The following ZNF423 variants were observed in gnomAD, a reference collection of about 807,000 sequenced individuals.
ZNF423 encodes zinc finger protein 423.
A neutral mutation model predicts 95.8 loss-of-function variants in ZNF423; 12 were observed. The observed-to-expected ratio is 0.13, with a 90% CI of 0.08 to 0.20. The LOEUF is 0.20. Among genes scored for constraint, ZNF423 ranks in the 10% least tolerant of loss-of-function variants. ZNF423 has a pLI of 1.00. For synonymous variants in ZNF423, 749 were observed against 711.9 expected (o/e 1.05, Z -0.83); for missense variants, 1,316 against 1,737.1 (o/e 0.76, Z 4.31).
intron 1 of ZNF423, chr16:49,854,814 G>A (rs1342284791): frequency 1.0e-6 from 1 of 985,268 alleles, no homozygotes; most frequent in Non-Finnish European, 1.2e-6. Flanking sequence ...AGCAAAGCGT[G>A]GAGACGAAGG....
intron 3 of ZNF423, among the ~76,000 whole-genome samples, chr16:49,642,622 T>C (rs973466818): frequency 3.9e-5 from 6 of 152,112 alleles, no homozygotes; most frequent in Admixed American, 1.3e-4. Context: ...GATTGCCCTG[T>C]TTAAAGTCTT....
chr16:49,616,168 G>T (rs905826909), intron 5 of ZNF423, among the ~76,000 whole-genome samples: 8 of 152,110 alleles, frequency 5.3e-5, no homozygotes, highest in African/African-American at 1.9e-4. Context: ...ATTCAAGAAA[G>T]AAAAATAACT....
At chr16:49,811,943 C>T (rs2034760423) in intron 1 of ZNF423, among the ~76,000 whole-genome samples, 1 of 152,220 alleles carries the variant, frequency 6.6e-6, no homozygotes, top group South Asian at 2.1e-4. Flanking sequence ...GGATGGATGC[C>T]ACAGGGGCAG....
intron 5 of ZNF423, among the ~76,000 whole-genome samples, chr16:49,612,821 A>G (rs1314893991): frequency 6.6e-6 from 1 of 152,236 alleles, no homozygotes. Context: ...TAAGTTGAGC[A>G]AAGTCAAGCA....
At chr16:49,754,567 G>A (rs2033690193) in intron 2 of ZNF423, among the ~76,000 whole-genome samples, 1 of 152,202 alleles carries the variant, frequency 6.6e-6, no homozygotes, top group African/African-American at 2.4e-5. Context: ...CTTCCACTAT[G>A]AAAGCTGTCA....
chr16:49,620,042 T>C (rs1255383675), intron 5 of ZNF423, among the ~76,000 whole-genome samples: 2 of 151,926 alleles, frequency 1.3e-5, no homozygotes, highest in African/African-American at 4.8e-5. Context: ...CAAGGTGGTT[T>C]GAAAGTATCT....
intron 3 of ZNF423, among the ~76,000 whole-genome samples, chr16:49,704,141 A>G (rs2032278273): frequency 1.3e-5 from 2 of 152,278 alleles, no homozygotes; most frequent in South Asian, 4.1e-4. Context: ...GGGCAGTCTT[A>G]GCCCCTCTGG....
intron 3 of ZNF423, among the ~76,000 whole-genome samples, chr16:49,721,681 TGG>T (rs2032870298): frequency 1.3e-5 from 2 of 152,080 alleles, no homozygotes; most frequent in Admixed American, 1.3e-4. Flanking sequence ...GGCGCACCCT[TGG>T]AAACCAAAGA....
At chr16:49,709,144 A>G (rs972092266) in intron 3 of ZNF423, among the ~76,000 whole-genome samples, 1 of 142,584 alleles carries the variant, frequency 7.0e-6, no homozygotes, top group Non-Finnish European at 1.5e-5. Flanking sequence ...AAACGCATAA[A>G]AAACTCAAAC....
chr16:49,512,170 T>A (rs1967925423), intron 7 of ZNF423, among the ~76,000 whole-genome samples: 1 of 152,184 alleles, frequency 6.6e-6, no homozygotes, highest in Admixed American at 6.5e-5. Context: ...CCTCTGTTTG[T>A]CCCCAGCACC....
intron 5 of ZNF423, 105 bp from the exon 6 acceptor site, chr16:49,525,599 C>A: frequency 4.6e-6 from 7 of 1,511,802 alleles, no homozygotes; most frequent in Non-Finnish European, 6.3e-6. Context: ...CCTCCAATCC[C>A]CAGCACCGGG....
At chr16:49,524,376 C>T (rs1393060073) in intron 6 of ZNF423, among the ~76,000 whole-genome samples, 2 of 152,200 alleles carry the variant, frequency 1.3e-5, no homozygotes, top group Non-Finnish European at 2.9e-5. Context: ...ACACAGAGGC[C>T]CCCATGTCCT....
At chr16:49,712,643 C>T (rs965889182) in intron 3 of ZNF423, among the ~76,000 whole-genome samples, 6 of 152,242 alleles carry the variant, frequency 3.9e-5, no homozygotes, top group Non-Finnish European at 5.9e-5. Flanking sequence ...GTGTCAGGGA[C>T]GGCTGAACCT....
At chr16:49,694,208 A>G (rs2151948650) in intron 3 of ZNF423, among the ~76,000 whole-genome samples, 1 of 152,308 alleles carries the variant, frequency 6.6e-6, no homozygotes, top group African/African-American at 2.4e-5. Context: ...AGCAGGAGGG[A>G]GAGGGAGGGA....
chr16:49,763,933 C>G (rs1308848982), intron 2 of ZNF423, among the ~76,000 whole-genome samples: 1 of 152,168 alleles, frequency 6.6e-6, no homozygotes, highest in East Asian at 1.9e-4. Flanking sequence ...CAACCAGACA[C>G]CACTCAGCGG....
intron 5 of ZNF423, among the ~76,000 whole-genome samples, chr16:49,581,575 T>C (rs1253819156): frequency 3.9e-5 from 6 of 152,212 alleles, no homozygotes; most frequent in African/African-American, 1.4e-4. Context: ...CTAATCTTCT[T>C]TGAATCCTCC....
chr16:49,772,385 C>T (rs907602657), intron 2 of ZNF423, among the ~76,000 whole-genome samples: 4 of 152,330 alleles, frequency 2.6e-5, no homozygotes, highest in African/African-American at 7.2e-5. Context: ...TCCCGAAATA[C>T]CTGCACAGTC....
At chr16:49,571,920 A>G (rs891191992) in intron 5 of ZNF423, among the ~76,000 whole-genome samples, 1 of 152,208 alleles carries the variant, frequency 6.6e-6, no homozygotes, top group Non-Finnish European at 1.5e-5. Flanking sequence ...TTGAAATTAC[A>G]AACATTAAAG....
At chr16:49,520,937 A>T (rs552707252) in intron 7 of ZNF423, among the ~76,000 whole-genome samples, 1 of 152,368 alleles carries the variant, frequency 6.6e-6, no homozygotes, top group Non-Finnish European at 1.5e-5. Flanking sequence ...ATTGCAGAAA[A>T]TAGTGACTCG....
Sources: gnomAD v4.1 joint callset for allele counts (sites outside exome capture counted in the v4.1 genomes callset) on GRCh38, gnomAD v4.1.1 for gene constraint, MANE v1.5 for transcripts, NCBI Gene and HGNC (gene_info 2026-07-23, HGNC 2026-07-21) for gene names.